Variants in ITFG1 observed in about 807,000 individuals in gnomAD.
ITFG1 encodes T-cell immunomodulatory protein.
Under a neutral mutation model 81.8 loss-of-function variants are expected in ITFG1, and 34 were observed. The ratio of observed to expected loss-of-function variants is 0.42; its 90% CI spans 0.32 to 0.55. ITFG1 has a LOEUF of 0.55. Ranked by LOEUF, ITFG1 falls within the 20% of genes least tolerant of loss-of-function variation. The probability of loss-of-function intolerance (pLI) is 0.17; values close to 1 mark genes in which losing one functional copy is unlikely to be tolerated. For synonymous variants in ITFG1, 285 were observed against 270.6 expected (o/e 1.05, Z -0.52); for missense variants, 672 against 755.4 (o/e 0.89, Z 1.29).
chr16:47,155,728 A>C lies in ITFG1; in HGVS notation c.1830T>G (p.Asp610Glu). 1 of 1,608,300 alleles carries C rather than the reference A, an allele frequency of 6.2e-7. No individual in the cohort carries two copies. The highest frequency in any genetic ancestry group is 8.5e-7 in the Non-Finnish European group (1 of 1,177,138). Residue 610 changes from aspartate to glutamate, a missense_variant, in exon 18 of 18, where the codon GAT becomes GAG. Around this residue, in one of 3 missense-constraint regions of ITFG1, gnomAD observed 65 missense variants for 103.3 expected, o/e 0.63. Coordinates refer to ENST00000320640, the MANE Select transcript of ITFG1 (RefSeq NM_030790.5). Reference sequence around the variant, plus strand: ...TAATATTAAAGGCAAGTCACATAGCATCAAAATGAAACCGGTGGGCTTCTT... The same window carrying C: ...TAATATTAAAGGCAAGTCACATAGCCTCAAAATGAAACCGGTGGGCTTCTT... The part of the protein sequence containing the change: ...KRQEAHRFHF[D>E]AM
At chr16:47,371,289 A>G (rs1968250650) in intron 7 of ITFG1, among the ~76,000 whole-genome samples, 1 of 152,246 alleles carries the variant, frequency 6.6e-6, no homozygotes, top group Non-Finnish European at 1.5e-5. Flanking sequence ...GTATTTTTAC[A>G]AGGATTTTGT....
chr16:47,419,592 A>T (rs961460557), intron 6 of ITFG1, among the ~76,000 whole-genome samples: 1 of 138,526 alleles, frequency 7.2e-6, no homozygotes, highest in Non-Finnish European at 1.5e-5. Context: ...TCACGGCCTT[A>T]CTTCAGGTCT....
chr16:47,438,164 T>C (rs1339842401), intron 5 of ITFG1, among the ~76,000 whole-genome samples: 2 of 151,702 alleles, frequency 1.3e-5, no homozygotes. Flanking sequence ...CAGGCTTGAG[T>C]AGGTAAACAA....
chr16:47,246,081 T>C (rs1408440324), intron 12 of ITFG1, among the ~76,000 whole-genome samples: 1 of 152,260 alleles, frequency 6.6e-6, no homozygotes, highest in Non-Finnish European at 1.5e-5. Context: ...GAGTATTTAC[T>C]AATATATCAC....
At chr16:47,355,632 G>A (rs2151583417) in intron 8 of ITFG1, among the ~76,000 whole-genome samples, 1 of 152,142 alleles carries the variant, frequency 6.6e-6, no homozygotes, top group Non-Finnish European at 1.5e-5. Flanking sequence ...ACATCACATT[G>A]TATCCCACAA....
Position 47,343,939 on chromosome 16 carries a change from A to C in ITFG1, c.802+21849T>G, listed in dbSNP as rs1967817439. Among the ~76,000 whole-genome samples, 5 of 152,322 alleles carry C rather than the reference A, an allele frequency of 3.3e-5. No individual in the cohort carries two copies. The South Asian group carries it at 1.0e-3, about 32-fold the overall frequency. On this transcript the variant is annotated intron_variant, in intron 8 of 17. Transcript: ENST00000320640. ...AACTCGTGAGTTCATCAACAGAAAC[A>C]GATAATCAAAATGGAAATGAAGTTC... is the stretch of plus-strand genomic sequence containing the variant.
intron 6 of ITFG1, 144 bp from the exon 7 acceptor site, chr16:47,376,084 C>G: frequency 1.9e-6 from 1 of 520,816 alleles, no homozygotes. Context: ...CAAGTTTCAT[C>G]CCATTAAAAA....
chr16:47,426,391 A>G (rs901059970), intron 6 of ITFG1: 3 of 151,774 alleles, frequency 2.0e-5, no homozygotes, highest in African/African-American at 4.8e-5. Context: ...ATGTGTGTGT[A>G]TAACAAAAAT....
At chr16:47,185,778 A>ACACAAAAAC (rs1162066390) in intron 14 of ITFG1, among the ~76,000 whole-genome samples, 1 of 152,264 alleles carries the variant, frequency 6.6e-6, no homozygotes, top group African/African-American at 2.4e-5. Flanking sequence ...ACTGAAGGAA[A>ACACAAAAAC]TAGGGACACA....
chr16:47,279,435 G>T (rs749163008), intron 10 of ITFG1, among the ~76,000 whole-genome samples: 1 of 151,720 alleles, frequency 6.6e-6, no homozygotes, highest in Non-Finnish European at 1.5e-5. Context: ...CTTAAACACC[G>T]TTAGCTGTAC....
At chr16:47,327,914 G>T (rs1044529713) in intron 8 of ITFG1, among the ~76,000 whole-genome samples, 2 of 152,164 alleles carry the variant, frequency 1.3e-5, no homozygotes, top group Admixed American at 1.3e-4. Flanking sequence ...AGTCGGTGTG[G>T]CAATTCCTCC....
chr16:47,437,337 A>G (rs1969179695), intron 5 of ITFG1, among the ~76,000 whole-genome samples: 1 of 151,962 alleles, frequency 6.6e-6, no homozygotes, highest in Non-Finnish European at 1.5e-5. Context: ...GCATGGTGGC[A>G]TGCATCCATA....
chr16:47,244,061 G>T (rs1965968249), intron 12 of ITFG1, among the ~76,000 whole-genome samples: 1 of 152,050 alleles, frequency 6.6e-6, no homozygotes, highest in Non-Finnish European at 1.5e-5. Context: ...ATGAATCTCA[G>T]ACATAGTGTT....
chr16:47,325,960 C>T (rs1330518320), intron 8 of ITFG1, among the ~76,000 whole-genome samples: 1 of 152,156 alleles, frequency 6.6e-6, no homozygotes, highest in Non-Finnish European at 1.5e-5. Flanking sequence ...GGGAATCCTC[C>T]CTAACTCATT....
chr16:47,258,323 T>C (rs928992662), intron 12 of ITFG1, among the ~76,000 whole-genome samples: 1 of 152,230 alleles, frequency 6.6e-6, no homozygotes, highest in Non-Finnish European at 1.5e-5. Context: ...GCCTGGATTC[T>C]TTAAAACTGA....
At chr16:47,365,729 A>C in intron 8 of ITFG1, 59 bp downstream of exon 8, 1 of 998,994 alleles carries the variant, frequency 1.0e-6, no homozygotes, top group Non-Finnish European at 1.6e-6. Flanking sequence ...AATAGAACAG[A>C]AAGAAGGAGA....
At chr16:47,228,022 T>C (rs1337219504) in intron 13 of ITFG1, among the ~76,000 whole-genome samples, 1 of 152,242 alleles carries the variant, frequency 6.6e-6, no homozygotes, top group Admixed American at 6.5e-5. Context: ...TAAAACATTA[T>C]TTCCTTTAAT....
upstream of ITFG1, chr16:47,461,141 G>A: frequency 4.0e-6 from 5 of 1,248,584 alleles, no homozygotes; most frequent in African/African-American, 1.5e-5. Context: ...GCGCAGCCCC[G>A]GGACGCGTAA....
intron 14 of ITFG1, among the ~76,000 whole-genome samples, chr16:47,165,957 C>T (rs999519803): frequency 6.6e-6 from 1 of 152,184 alleles, no homozygotes; most frequent in Non-Finnish European, 1.5e-5. Context: ...AACTGATGGA[C>T]CCTCCCCTCA....
Sources: allele counts gnomAD v4.1 joint callset (sites outside exome capture counted in the v4.1 genomes callset), GRCh38; gene constraint gnomAD v4.1.1; regional missense constraint gnomAD v4.1.1; transcripts MANE v1.5; gene names NCBI Gene and HGNC (gene_info 2026-07-23, HGNC 2026-07-21).